DNAH6: variants seen among roughly 807,000 people sequenced by gnomAD.
The protein encoded by DNAH6 is axonemal beta dynein heavy chain 6.
DNAH6 carries 340 observed loss-of-function variants against 491.4 expected under a neutral mutation model. The ratio of observed to expected loss-of-function variants is 0.69; its 90% CI spans 0.63 to 0.76. The LOEUF (loss-of-function observed/expected upper bound fraction) is 0.76, where lower values mean the gene tolerates loss of function less well. DNAH6 is among the 30% of genes least tolerant of loss of function. DNAH6 has a pLI of 0.00. For missense variants in DNAH6, 4,443 were observed against 4,972.2 expected (o/e 0.89, Z 3.20); for synonymous variants, 1,603 against 1,686.1 (o/e 0.95, Z 1.21).
chr2:84,514,432 A>T (rs1675454096), upstream of DNAH6, among the ~76,000 whole-genome samples: 1 of 152,208 alleles, frequency 6.6e-6, no homozygotes, highest in Non-Finnish European at 1.5e-5. Flanking sequence ...TGATTAGTGG[A>T]ATAGCACCCA....
In DNAH6 at chr2:84,701,312, G is replaced by A. The variant is rs1426515261; in HGVS notation, c.8034G>A (p.Leu2678=). 2 of 1,548,276 alleles carry A rather than the reference G, an allele frequency of 1.3e-6. No individual in the cohort carries two copies. The highest frequency in any genetic ancestry group is 4.9e-5 in the East Asian group (2 of 40,866). The change falls in exon 49 of 77, where the codon CTG becomes CTA. Residue 2678 remains leucine, a synonymous_variant. Coordinates refer to ENST00000389394, the MANE Select transcript of DNAH6 (RefSeq NM_001370.2). ...LELINLYLSM[L]SEKRKQIISA... is the part of the protein sequence containing the mutation. ...TTATCAATCTTTACCTGTCTATGCT[G>A]TCTGAAAAAAGGAAGCAGATTATTT... is the stretch of plus-strand genomic sequence containing the variant.
At chr2:84,646,706 A>G (rs752041533) in intron 33 of DNAH6, among the ~76,000 whole-genome samples, 3 of 152,196 alleles carry the variant, frequency 2.0e-5, no homozygotes, top group Non-Finnish European at 4.4e-5. Flanking sequence ...ACTCTCTTCA[A>G]TTCTATAAAG....
intron 20 of DNAH6, 35 bp downstream of exon 20, chr2:84,605,627 G>A (rs2104294503): frequency 7.3e-7 from 1 of 1,378,170 alleles, no homozygotes; most frequent in Non-Finnish European, 1.0e-6. Context: ...TTATGGTAAA[G>A]ATCCCAGCCA....
rs768543819 is a variant in DNAH6, at chr2:84,573,514, C to G, written c.1851C>G (p.Thr617=). Residue 617 remains threonine, a synonymous_variant, in exon 12 of 77, where the codon ACC becomes ACG. Coordinates refer to ENST00000389394, the MANE Select transcript of DNAH6 (RefSeq NM_001370.2). ...AATCAGCCCGCATCTATGCAGCTAC[C>G]TTTGAAAAGTTCCAGATATTCTTCA... ...AFESARIYAA[T]FEKFQIFFKE... 1.9e-5 allele frequency: 30 copies of G among 1,590,670 alleles called. No homozygotes were observed. Among genetic ancestry groups the G allele is most frequent in the Non-Finnish European group, 2.4e-5 (28 of 1,172,922 alleles).
intron 59 of DNAH6, among the ~76,000 whole-genome samples, chr2:84,719,885 C>A (rs1284908605): frequency 2.1e-5 from 3 of 140,846 alleles, no homozygotes; most frequent in African/African-American, 8.2e-5. Context: ...CACACACACA[C>A]ACACACACAC....
At chr2:84,615,658 C>G (rs1242685816) in intron 22 of DNAH6, among the ~76,000 whole-genome samples, 1 of 151,990 alleles carries the variant, frequency 6.6e-6, no homozygotes, top group African/African-American at 2.4e-5. Flanking sequence ...TTGATTCTAC[C>G]CATTCATGAA....
At chr2:84,727,482 G>A (rs1256110841) in intron 60 of DNAH6, among the ~76,000 whole-genome samples, 187 bp from the exon 61 acceptor site, 6 of 152,140 alleles carry the variant, frequency 3.9e-5, no homozygotes, top group African/African-American at 1.4e-4. Flanking sequence ...ATAATTCAAA[G>A]ACCTGCTGTG....
intron 70 of DNAH6, among the ~76,000 whole-genome samples, chr2:84,802,576 G>T (rs534876472): frequency 2.0e-5 from 3 of 152,036 alleles, no homozygotes; most frequent in Non-Finnish European, 2.9e-5. Context: ...CCTAAGAAAA[G>T]ACTTTTACAG....
chr2:84,583,245 T>G (rs1045106564), intron 14 of DNAH6, among the ~76,000 whole-genome samples: 1 of 152,190 alleles, frequency 6.6e-6, no homozygotes, highest in African/African-American at 2.4e-5. Flanking sequence ...CCACAGCCTA[T>G]CGATCCCTCG....
At chr2:84,548,178 C>A in intron 7 of DNAH6, 110 bp from the exon 8 acceptor site, 1 of 1,238,556 alleles carries the variant, frequency 8.1e-7, no homozygotes, top group Non-Finnish European at 1.1e-6. Flanking sequence ...CTTCGTGTAC[C>A]AAAATATTTT....
chr2:84,643,263 TG>T (rs1265076297), intron 33 of DNAH6, among the ~76,000 whole-genome samples: 3 of 149,218 alleles, frequency 2.0e-5, no homozygotes, highest in Non-Finnish European at 1.5e-5. Flanking sequence ...ATAGGTAAAG[TG>T]GGGTTTTTTT....
At chr2:84,771,421 T>A (rs1051702565) in intron 64 of DNAH6, among the ~76,000 whole-genome samples, 5 of 152,074 alleles carry the variant, frequency 3.3e-5, no homozygotes, top group African/African-American at 1.2e-4. Context: ...GAAGAAATAA[T>A]GGTCCATACT....
rs1674717266 is a variant in DNAH6 at position 84,762,824 on chromosome 2, G to C, written c.10582G>C (p.Asp3528His). 6.4e-7 allele frequency: 1 copy of C among 1,550,982 alleles called. No homozygotes were observed. Among genetic ancestry groups the C allele is most frequent in the African/African-American group, 1.4e-5 (1 of 72,944 alleles). ...GKQFIETPPV[D>H]LPTLYQDMSC... ...ACAGTTTATAGAGACACCACCTGTG[G>C]ACCTGCCTACCCTGTATCAAGACAT... The change falls in exon 64 of 77, where the codon GAC becomes CAC. Residue 3528 changes from aspartate to histidine, a missense_variant. Transcript: ENST00000389394.
At chr2:84,772,835 C>T (rs1024308987) in intron 64 of DNAH6, among the ~76,000 whole-genome samples, 4 of 151,994 alleles carry the variant, frequency 2.6e-5, no homozygotes, top group Admixed American at 2.6e-4. Context: ...CCAACAATAT[C>T]AGAATAAACA....
chr2:84,814,072 G>T lies in DNAH6; in HGVS notation c.12100G>T (p.Glu4034Ter). ...CTATCGGGATCAAGCTGCAGTGATA[G>T]AAGCTGCCAAGACAGTGCAATTTGG... Reference protein sequence around the residue: ...PTYRDQAAVIEAAKTVQFGQE... With the variant: ...PTYRDQAAVI The change falls in exon 75 of 77, where the codon GAA becomes TAA. Residue 4034 changes from glutamate to a stop codon, truncating the protein, a stop_gained. Coordinates refer to ENST00000389394, the MANE Select transcript of DNAH6 (RefSeq NM_001370.2). LOFTEE classifies it high-confidence loss of function. The T allele has an allele frequency of 6.4e-7, 1 of 1,551,740 alleles. No individual in the cohort carries two copies. Among genetic ancestry groups the T allele is most frequent in the Non-Finnish European group, 8.7e-7 (1 of 1,146,994 alleles).
chr2:84,698,488 C>T (rs1168046012), intron 47 of DNAH6, among the ~76,000 whole-genome samples: 1 of 152,218 alleles, frequency 6.6e-6, no homozygotes, highest in Non-Finnish European at 1.5e-5. Flanking sequence ...GCTGCCTCTG[C>T]CACAACCATT....
In DNAH6 at chr2:84,615,576, T is replaced by C. The variant is rs1311017901; in HGVS notation, c.3476-1310T>C. On this transcript the variant is annotated intron_variant, in intron 22 of 76. Coordinates refer to ENST00000389394, the MANE Select transcript of DNAH6 (RefSeq NM_001370.2). ...ATATTTTTCTAACTCTGTGAAGAAT[T>C]ATGGTGTTATTTTTATGACAATTGC... is the stretch of plus-strand genomic sequence containing the variant. Among the ~76,000 whole-genome samples, 3 of 152,004 alleles carry C rather than the reference T, an allele frequency of 2.0e-5. No individual in the cohort carries two copies. The East Asian group carries it at 5.8e-4, about 29-fold the overall frequency.
At chr2:84,504,968 T>G in the DNAH6 span, among the ~76,000 whole-genome samples, 8 of 152,202 alleles carry the variant, frequency 5.3e-5, no homozygotes, top group Non-Finnish European at 8.8e-5. Flanking sequence ...ATCTTAATAA[T>G]AGTAAGTTTT....
At chr2:84,776,855 C>G (rs1472116311) in intron 64 of DNAH6, among the ~76,000 whole-genome samples, 1 of 152,206 alleles carries the variant, frequency 6.6e-6, no homozygotes, top group Admixed American at 6.5e-5. Flanking sequence ...AAATGTCCAT[C>G]AGTGATAGAC....
Sources: allele counts gnomAD v4.1 joint callset (sites outside exome capture counted in the v4.1 genomes callset), GRCh38; gene constraint gnomAD v4.1.1; transcripts MANE v1.5; gene names NCBI Gene and HGNC (gene_info 2026-07-23, HGNC 2026-07-21).